MTRF1: variants seen among roughly 807,000 people sequenced by gnomAD.
The protein encoded by MTRF1 is mitochondrial translation release factor 1, also known as peptide chain release factor 1, mitochondrial.
A neutral mutation model predicts 62.9 loss-of-function variants in MTRF1; 51 were observed. The ratio of observed to expected loss-of-function variants is 0.81; its 90% confidence interval spans 0.65 to 1.02. MTRF1 has a LOEUF of 1.02. MTRF1 is among the 50% of genes least tolerant of loss of function. MTRF1 has a pLI of 0.00. For synonymous variants in MTRF1, 158 were observed against 181.9 expected (o/e 0.87, Z 1.06); for missense variants, 446 against 530.0 (o/e 0.84, Z 1.56).
the MTRF1 span, among the ~76,000 whole-genome samples, chr13:41,311,748 C>T: frequency 6.6e-6 from 1 of 152,224 alleles, no homozygotes; most frequent in South Asian, 2.1e-4. Flanking sequence ...TCCGGCCGGC[C>T]CACGGGGGCT....
rs2040704262 is a variant in MTRF1 at position 41,263,484 on chromosome 13, C to T, written c.-9+1G>A. 3.2e-6 allele frequency: 1 copy of T among 311,218 alleles called. No individual in the cohort carries two copies. Among genetic ancestry groups the T allele is most frequent in the Non-Finnish European group, 6.4e-6 (1 of 155,056 alleles). 19.3% of individuals were successfully genotyped at this position (311,218 alleles called of 1,614,324 possible). On this transcript the variant is annotated splice_donor_variant, in intron 1 of 9. Coordinates refer to ENST00000379480, the MANE Select transcript of MTRF1 (RefSeq NM_004294.4). LOFTEE classifies it low-confidence loss of function (5UTR_SPLICE). ...GAAGATCAGGAAAGAACTGTGAGTA[C>T]CTAAGAAAAAGAAGAATACACGTTA...
chr13:41,263,251 T>C, intron 1 of MTRF1: 1 of 1,287,822 alleles, frequency 7.8e-7, no homozygotes, highest in Non-Finnish European at 1.0e-6. Flanking sequence ...AAACAAGATG[T>C]TTACTCTCCA....
chr13:41,234,333 G>A (rs988144335), intron 6 of MTRF1, among the ~76,000 whole-genome samples: 1 of 152,090 alleles, frequency 6.6e-6, no homozygotes, highest in South Asian at 2.1e-4. Context: ...GCGCACTACC[G>A]TGCCATGTTA....
At chr13:41,286,131 G>A in the MTRF1 span, among the ~76,000 whole-genome samples, 8 of 149,542 alleles carry the variant, frequency 5.3e-5, no homozygotes, top group Non-Finnish European at 8.9e-5. Context: ...TAGCAGAGGT[G>A]TCAGACATAC....
At chr13:41,284,191 A>G in the MTRF1 span, among the ~76,000 whole-genome samples, 17 of 151,872 alleles carry the variant, frequency 1.1e-4, no homozygotes, top group Non-Finnish European at 2.2e-4. Context: ...AAAAATTAAA[A>G]GTTAGCTGAT....
the MTRF1 span, among the ~76,000 whole-genome samples, chr13:41,291,777 A>AT: frequency 6.6e-6 from 1 of 152,056 alleles, no homozygotes; most frequent in Non-Finnish European, 1.5e-5. Flanking sequence ...GATCCAACAA[A>AT]TTTTTTCTAA....
chr13:41,281,893 T>TACAGGC, the MTRF1 span, among the ~76,000 whole-genome samples: 1 of 152,040 alleles, frequency 6.6e-6, no homozygotes, highest in African/African-American at 2.4e-5. Flanking sequence ...TCCCAGCACT[T>TACAGGC]TGGGAGGCCG....
chr13:41,284,269 T>A, the MTRF1 span, among the ~76,000 whole-genome samples: 3 of 150,062 alleles, frequency 2.0e-5, no homozygotes, highest in East Asian at 6.0e-4. Flanking sequence ...GAGGATCACC[T>A]GAGGTCAGGA....
chr13:41,309,341 A>AGTGTGTGTGTGTGTGTGTGTGTGTGTGT, the MTRF1 span, among the ~76,000 whole-genome samples: 5 of 135,570 alleles, frequency 3.7e-5, no homozygotes, highest in Non-Finnish European at 6.3e-5. Flanking sequence ...ATGCCCAGCT[A>AGTGTGTGTGTGTGTGTGTGTGTGTGTGT]GTGTGTGTGT....
the MTRF1 span, among the ~76,000 whole-genome samples, chr13:41,282,434 A>G: frequency 6.6e-6 from 1 of 152,258 alleles, no homozygotes; most frequent in Non-Finnish European, 1.5e-5. Context: ...CCTGGGCGAC[A>G]GAGCAGAACC....
the MTRF1 span, among the ~76,000 whole-genome samples, chr13:41,288,500 T>A: frequency 1.3e-5 from 2 of 152,178 alleles, no homozygotes. Context: ...CTAAAATAAT[T>A]AATTCACATG....
chr13:41,227,340 A>G (rs2034624268), intron 7 of MTRF1, among the ~76,000 whole-genome samples: 1 of 152,102 alleles, frequency 6.6e-6, no homozygotes, highest in Admixed American at 6.6e-5. Context: ...CAATGAAAAG[A>G]CGCTACTCAG....
the MTRF1 span, among the ~76,000 whole-genome samples, chr13:41,292,772 A>C: frequency 6.6e-6 from 1 of 151,772 alleles, no homozygotes; most frequent in African/African-American, 2.4e-5. Flanking sequence ...AATAAAAATA[A>C]AAATAAAAAT....
chr13:41,300,644 A>G, the MTRF1 span, among the ~76,000 whole-genome samples: 1 of 152,094 alleles, frequency 6.6e-6, no homozygotes, highest in Non-Finnish European at 1.5e-5. Flanking sequence ...TCCTGGCCTC[A>G]AGCAATCCTC....
At chr13:41,246,246 T>TGTTTTGGG (rs1237051409) in intron 5 of MTRF1, among the ~76,000 whole-genome samples, 1 of 152,130 alleles carries the variant, frequency 6.6e-6, no homozygotes, top group Non-Finnish European at 1.5e-5. Flanking sequence ...ATTGGTGGTT[T>TGTTTTGGG]GTTTTGGGGT....
At chr13:41,311,426 G>A in the MTRF1 span, 1 of 1,145,770 alleles carries the variant, frequency 8.7e-7, no homozygotes, top group South Asian at 1.4e-5. Context: ...ATCGCCCGCA[G>A]CCCGACTCTC....
At chr13:41,249,953 G>A (rs1203903145) in intron 5 of MTRF1, among the ~76,000 whole-genome samples, 1 of 151,434 alleles carries the variant, frequency 6.6e-6, no homozygotes, top group East Asian at 1.9e-4. Flanking sequence ...TAAAATATTT[G>A]TAATGTTTTT....
At chr13:41,311,387 A>G in the MTRF1 span, 81 of 756,362 alleles carry the variant, frequency 1.1e-4, no homozygotes, top group African/African-American at 9.4e-4. Flanking sequence ...AGGCTGCCCA[A>G]TTGCAACTGT....
chr13:41,276,131 C>G, the MTRF1 span, among the ~76,000 whole-genome samples: 1 of 152,076 alleles, frequency 6.6e-6, no homozygotes, highest in South Asian at 2.1e-4. Context: ...ACTAATTCCT[C>G]TGCCTAGATT....
Sources: gnomAD v4.1 joint callset for allele counts (sites outside exome capture counted in the v4.1 genomes callset) on GRCh38, gnomAD v4.1.1 for gene constraint, MANE v1.5 for transcripts, NCBI Gene and HGNC (gene_info 2026-07-23, HGNC 2026-07-21) for gene names.